PRELID2: variants seen among roughly 807,000 people sequenced by gnomAD.
The protein encoded by PRELID2 is PRELI domain-containing protein 2.
Under a neutral mutation model 28.4 loss-of-function variants are expected in PRELID2, and 25 were observed. The ratio of observed to expected loss-of-function variants is 0.88; its 90% CI spans 0.64 to 1.23. PRELID2 has a LOEUF of 1.23. Ranked by LOEUF, PRELID2 falls within the 50% of genes most tolerant of loss-of-function variation. PRELID2 has a pLI of 0.00. For synonymous variants in PRELID2, 76 were observed against 71.6 expected, an observed-to-expected ratio of 1.06 and a Z score of -0.31; for missense variants, 201 against 214.4, an observed-to-expected ratio of 0.94 and a Z score of 0.39.
At chr5:145,416,128 G>C in the PRELID2 span, among the ~76,000 whole-genome samples, 4 of 152,034 alleles carry the variant, frequency 2.6e-5, no homozygotes, top group East Asian at 5.9e-4. Flanking sequence ...TGATGGGGTT[G>C]TTTGTTTTTT....
At chr5:145,268,487 C>A in the PRELID2 span, among the ~76,000 whole-genome samples, 1 of 152,074 alleles carries the variant, frequency 6.6e-6, no homozygotes, top group African/African-American at 2.4e-5. Context: ...ACCACAGGTA[C>A]CTCCCCACTC....
chr5:145,466,735 T>C, the PRELID2 span, among the ~76,000 whole-genome samples: 1 of 152,096 alleles, frequency 6.6e-6, no homozygotes. Flanking sequence ...CAGGAAATGA[T>C]AGTTTTCTGT....
At chr5:145,813,647 CTAAGCCTCCA>C (rs1300726032) in intron 4 of PRELID2, among the ~76,000 whole-genome samples, 6 of 152,146 alleles carry the variant, frequency 3.9e-5, no homozygotes, top group African/African-American at 1.4e-4. Context: ...GTTATTTAAC[CTAAGCCTCCA>C]AAGAATACAC....
At chr5:145,666,506 A>T (rs1754598054) in intron 1 of PRELID2, among the ~76,000 whole-genome samples, 2 of 152,096 alleles carry the variant, frequency 1.3e-5, no homozygotes, top group Non-Finnish European at 2.9e-5. Flanking sequence ...TAACAACTGT[A>T]CATACACACA....
intron 1 of PRELID2, among the ~76,000 whole-genome samples, chr5:145,485,004 T>C (rs761582260): frequency 6.6e-6 from 1 of 152,192 alleles, no homozygotes; most frequent in Non-Finnish European, 1.5e-5. Flanking sequence ...TTCGTCGTTG[T>C]CATAGAGCTT....
chr5:145,259,320 C>G, the PRELID2 span, among the ~76,000 whole-genome samples: 1 of 152,080 alleles, frequency 6.6e-6, no homozygotes, highest in Non-Finnish European at 1.5e-5. Context: ...TCCTGCAGAC[C>G]ACAAAGTGGT....
intron 1 of PRELID2, among the ~76,000 whole-genome samples, chr5:145,685,058 T>C (rs1352428508): frequency 6.6e-6 from 1 of 152,160 alleles, no homozygotes; most frequent in Non-Finnish European, 1.5e-5. Context: ...TCCAAAATAT[T>C]TCTGCCATTC....
At chr5:145,404,594 C>T in the PRELID2 span, among the ~76,000 whole-genome samples, 1 of 152,070 alleles carries the variant, frequency 6.6e-6, no homozygotes, top group Admixed American at 6.6e-5. Flanking sequence ...GAAGAAAGAT[C>T]CATGCACAGT....
intron 1 of PRELID2, among the ~76,000 whole-genome samples, chr5:145,611,855 G>A (rs1413117084): frequency 1.3e-5 from 2 of 152,140 alleles, no homozygotes; most frequent in African/African-American, 4.8e-5. Flanking sequence ...CATACTTGAA[G>A]AATGGTAAAA....
At chr5:145,294,366 C>T in the PRELID2 span, among the ~76,000 whole-genome samples, 1 of 152,080 alleles carries the variant, frequency 6.6e-6, no homozygotes, top group Admixed American at 6.6e-5. Context: ...TGAATCAGAA[C>T]CCATCAGCTA....
chr5:145,603,587 T>C (rs1011704200), intron 1 of PRELID2, among the ~76,000 whole-genome samples: 6 of 152,040 alleles, frequency 3.9e-5, no homozygotes, highest in African/African-American at 1.4e-4. Flanking sequence ...AGAAGAATAC[T>C]CATTACAAAT....
intron 1 of PRELID2, among the ~76,000 whole-genome samples, chr5:145,678,051 C>G (rs1297831385): frequency 6.6e-6 from 1 of 152,180 alleles, no homozygotes; most frequent in African/African-American, 2.4e-5. Flanking sequence ...TTCATTCTTG[C>G]TTCTTGAAAC....
chr5:145,325,608 T>C, the PRELID2 span, among the ~76,000 whole-genome samples: 341 of 152,296 alleles, frequency 2.2e-3, 5 homozygotes, highest in African/African-American at 7.8e-3. Context: ...TGTTTTCTAA[T>C]AAGAAAGTTA....
At chr5:145,783,399 CTA>C (rs1751762566) in intron 5 of PRELID2, among the ~76,000 whole-genome samples, 1 of 152,306 alleles carries the variant, frequency 6.6e-6, no homozygotes, top group South Asian at 2.1e-4. Context: ...CCTGCAAAAG[CTA>C]TGTTTCATCA....
the PRELID2 span, among the ~76,000 whole-genome samples, chr5:145,405,891 G>C: frequency 6.6e-6 from 1 of 151,918 alleles, no homozygotes; most frequent in South Asian, 2.1e-4. Flanking sequence ...ATTTTTAGTA[G>C]AGACGGGGTT....
the PRELID2 span, among the ~76,000 whole-genome samples, chr5:145,449,894 C>A: frequency 6.6e-6 from 1 of 152,058 alleles, no homozygotes; most frequent in Non-Finnish European, 1.5e-5. Context: ...CAGGGCCTGC[C>A]GTGCTCCACT....
At chr5:145,630,380 T>C (rs1448529901) in intron 1 of PRELID2, among the ~76,000 whole-genome samples, 1 of 151,868 alleles carries the variant, frequency 6.6e-6, no homozygotes, top group African/African-American at 2.4e-5. Flanking sequence ...TTTTAATGTA[T>C]ACCTTTTTGT....
At chr5:145,585,011 AAT>A (rs1250096619) in intron 1 of PRELID2, among the ~76,000 whole-genome samples, 1 of 152,222 alleles carries the variant, frequency 6.6e-6, no homozygotes, top group Non-Finnish European at 1.5e-5. Flanking sequence ...CACTATTCAC[AAT>A]AGAAAAGACA....
the PRELID2 span, among the ~76,000 whole-genome samples, chr5:145,416,638 C>T: frequency 6.6e-6 from 1 of 152,098 alleles, no homozygotes; most frequent in African/African-American, 2.4e-5. Flanking sequence ...CTCTGGGACA[C>T]AGCTAAAGCA....
Sources: allele counts gnomAD v4.1 joint callset (sites outside exome capture counted in the v4.1 genomes callset), GRCh38; gene constraint gnomAD v4.1.1; transcripts MANE v1.5; gene names NCBI Gene and HGNC (gene_info 2026-07-23, HGNC 2026-07-21).